Variants in DMD observed in about 807,000 individuals in gnomAD.
DMD encodes the protein mutant dystrophin.
Under a neutral mutation model 330.1 loss-of-function variants are expected in DMD, and 63 were observed. The ratio of observed to expected loss-of-function variants is 0.19; its 90% CI spans 0.16 to 0.24. The LOEUF is 0.24. Ranked by LOEUF, DMD falls within the 10% of genes least tolerant of loss-of-function variation. DMD has a pLI of 1.00. For synonymous variants in DMD, 1,223 were observed against 959.8 expected, an observed-to-expected ratio of 1.27 and a Z score of -5.07; for missense variants, 3,344 against 2,684.1, an observed-to-expected ratio of 1.25 and a Z score of -5.43.
At chrX:32,352,283 A>G (rs1305687436) in intron 37 of DMD, among the ~76,000 whole-genome samples, 1 of 110,778 alleles carries the variant, frequency 9.0e-6, no homozygotes, top group Non-Finnish European at 1.9e-5. Context: ...TCTTGTCTCT[A>G]AATTCAAGTA....
At chrX:32,318,538 G>A (rs1048070504) in intron 41 of DMD, among the ~76,000 whole-genome samples, 2 of 110,882 alleles carry the variant, frequency 1.8e-5, no homozygotes, top group Non-Finnish European at 3.8e-5. Flanking sequence ...GGTTATGACC[G>A]TGCATAGAAA....
At chrX:31,681,378 G>A (rs1473862034) in intron 52 of DMD, among the ~76,000 whole-genome samples, 4 of 112,083 alleles carry the variant, frequency 3.6e-5, no homozygotes, top group African/African-American at 1.3e-4. Flanking sequence ...ACTACATCTA[G>A]GCCCAAGGGA....
intron 44 of DMD, among the ~76,000 whole-genome samples, chrX:32,121,736 A>G (rs1363774231): frequency 2.0e-5 from 2 of 98,170 alleles, no homozygotes; most frequent in Non-Finnish European, 4.1e-5. Context: ...AGTCAAAAAA[A>G]ATGTGTGTGT....
intron 1 of DMD, among the ~76,000 whole-genome samples, chrX:33,029,943 C>T (rs746381813): frequency 3.5e-4 from 39 of 111,005 alleles, no homozygotes; most frequent in Admixed American, 2.7e-3. Context: ...CAATGCAGGC[C>T]GGGGTTACAT....
At chrX:31,576,598 A>G (rs768299893) in intron 55 of DMD, among the ~76,000 whole-genome samples, 4 of 110,962 alleles carry the variant, frequency 3.6e-5, no homozygotes, top group Non-Finnish European at 5.7e-5. Context: ...TTTTCTTAAC[A>G]TCTGGTTCAA....
At chrX:32,112,761 A>G (rs1384518135) in intron 44 of DMD, among the ~76,000 whole-genome samples, 1 of 111,750 alleles carries the variant, frequency 8.9e-6, no homozygotes, top group Non-Finnish European at 1.9e-5. Context: ...GCTAGGTATC[A>G]TGCTTCATAT....
chrX:32,679,337 GT>G (rs1325322911), intron 9 of DMD, among the ~76,000 whole-genome samples: 37 of 104,025 alleles, frequency 3.6e-4, no homozygotes, highest in East Asian at 6.0e-4. Flanking sequence ...CGAGGTTTTG[GT>G]TTTTTTTTTT....
chrX:32,630,779 C>G lies in DMD; in HGVS notation c.1331+13353G>C, dbSNP rs1007084583. On this transcript the variant is annotated intron_variant, in intron 11 of 78. Coordinates refer to ENST00000357033, the MANE Select transcript of DMD (RefSeq NM_004006.3). The stretch of plus-strand genomic sequence containing the variant: ...ATCCTCAAATCAGCCATTTGGAATT[C>G]TCTGTCTGAAAGGTCACATATCTGT... Among the ~76,000 whole-genome samples the G allele has an allele frequency of 8.9e-5, 10 of 111,900 alleles. No homozygotes were observed. In the East Asian group the frequency reaches 2.8e-3, roughly 31 times the overall value.
chrX:32,730,377 G>A (rs1427043601), intron 7 of DMD, among the ~76,000 whole-genome samples: 3 of 111,845 alleles, frequency 2.7e-5, no homozygotes, highest in South Asian at 3.8e-4. Context: ...GGTGCCATAA[G>A]TAAATGCATA....
At chrX:31,341,573 A>G (rs1194487770) in intron 61 of DMD, among the ~76,000 whole-genome samples, 2 of 111,383 alleles carry the variant, frequency 1.8e-5, no homozygotes, top group African/African-American at 6.5e-5. Context: ...AGGATGGCCA[A>G]ACGAAGAGGA....
chrX:33,335,275 T>TAC (rs1279921702), intron 1 of DMD, among the ~76,000 whole-genome samples: 3 of 108,339 alleles, frequency 2.8e-5, no homozygotes, highest in Admixed American at 1.0e-4. Flanking sequence ...ATCATATATA[T>TAC]ACACACACAC....
At chrX:32,942,301 G>C in intron 2 of DMD, among the ~76,000 whole-genome samples, 1 of 112,357 alleles carries the variant, frequency 8.9e-6, no homozygotes, top group East Asian at 2.8e-4. Flanking sequence ...CCAGCAATTT[G>C]GGAGGCCGAG....
intron 44 of DMD, among the ~76,000 whole-genome samples, chrX:32,069,509 T>C (rs192374833): frequency 1.2e-4 from 14 of 112,063 alleles, no homozygotes; most frequent in Admixed American, 7.6e-4. Flanking sequence ...GAGAAAGTTC[T>C]GTAAGTCTCC....
intron 2 of DMD, among the ~76,000 whole-genome samples, chrX:32,946,443 T>C (rs1482287253): frequency 3.6e-5 from 4 of 111,850 alleles, no homozygotes; most frequent in African/African-American, 1.3e-4. Context: ...ACTGCTAACA[T>C]CCTGTTGTCT....
intron 16 of DMD, among the ~76,000 whole-genome samples, chrX:32,550,806 C>T (rs1449646078): frequency 6.3e-5 from 7 of 110,422 alleles, no homozygotes; most frequent in Non-Finnish European, 1.1e-4. Flanking sequence ...GGGATGTTAC[C>T]ATTGACCCCA....
rs114590309 is a variant in DMD at position 31,831,472 on chromosome X, A to C, written c.7200+5246T>G. Among the ~76,000 whole-genome samples the C allele has an allele frequency of 6.8e-3, 768 of 112,209 alleles. 6 individuals are homozygous for C. The highest frequency in any genetic ancestry group is 0.024 in the African/African-American group (727 of 30,882). On this transcript the variant is annotated intron_variant, in intron 49 of 78. Coordinates refer to ENST00000357033, the MANE Select transcript of DMD (RefSeq NM_004006.3). ...GTTTATGTTTACAAGTTGCCCAAAA[A>C]TCTATTATAAATTTTTTCTCTTCTC...
intron 54 of DMD, among the ~76,000 whole-genome samples, chrX:31,643,915 G>C (rs1331396099): frequency 8.9e-6 from 1 of 111,912 alleles, no homozygotes; most frequent in African/African-American, 3.2e-5. Flanking sequence ...GGCAAAGAGT[G>C]AGTGCTTAAT....
chrX:32,730,091 C>T (rs750182749), intron 7 of DMD, among the ~76,000 whole-genome samples: 51 of 111,947 alleles, frequency 4.6e-4, no homozygotes, highest in Middle Eastern at 9.2e-3. Flanking sequence ...TCAGCATTTT[C>T]GGAGGCTGAG....
At chrX:31,735,085 C>T (rs1337471189) in intron 51 of DMD, among the ~76,000 whole-genome samples, 1 of 111,043 alleles carries the variant, frequency 9.0e-6, no homozygotes, top group Non-Finnish European at 1.9e-5. Flanking sequence ...GGTGGGAATA[C>T]TAAGGCAGAG....
Sources: gnomAD v4.1 joint callset for allele counts (sites outside exome capture counted in the v4.1 genomes callset) on GRCh38, gnomAD v4.1.1 for gene constraint, MANE v1.5 for transcripts, NCBI Gene and HGNC (gene_info 2026-07-23, HGNC 2026-07-21) for gene names.